Variants in SNRPN observed in about 807,000 individuals in gnomAD.
SNRPN encodes the protein small nuclear ribonucleoprotein-associated protein N.
SNRPN carries 7 observed loss-of-function variants against 25.2 expected under a neutral mutation model. The ratio of observed to expected loss-of-function variants is 0.28; its 90% CI spans 0.16 to 0.52. The LOEUF (loss-of-function observed/expected upper bound fraction) is 0.52. SNRPN is among the 20% of genes least tolerant of loss of function. The pLI, the probability that SNRPN is intolerant of heterozygous loss-of-function variation, is 0.96. For missense variants in SNRPN, 196 were observed against 322.5 expected, an observed-to-expected ratio of 0.61 and a Z score of 3.00; for synonymous variants, 124 against 110.6, an observed-to-expected ratio of 1.12 and a Z score of -0.76.
At chr15:24,828,547 G>A (rs11161142) in intron 1 of SNRPN, among the ~76,000 whole-genome samples, 35,455 of 151,698 alleles carry the variant, frequency 0.23, 4,711 homozygotes, top group Non-Finnish European at 0.29. Context: ...ACTCCGTCTC[G>A]AAAAAAACAA....
At chr15:24,959,706 T>C (rs2074455703) in intron 1 of SNRPN, among the ~76,000 whole-genome samples, 1 of 152,214 alleles carries the variant, frequency 6.6e-6, no homozygotes, top group Non-Finnish European at 1.5e-5. Context: ...GTAGCACTGA[T>C]CAGTACTAAA....
chr15:24,916,815 T>C (rs1397359756), intron 2 of SNRPN, among the ~76,000 whole-genome samples: 1 of 152,174 alleles, frequency 6.6e-6, no homozygotes, highest in Non-Finnish European at 1.5e-5. Flanking sequence ...CCACAAGCCT[T>C]CTGAACCTTC....
chr15:24,880,644 A>G (rs1286229209), intron 1 of SNRPN, among the ~76,000 whole-genome samples: 1 of 152,164 alleles, frequency 6.6e-6, no homozygotes, highest in African/African-American at 2.4e-5. Flanking sequence ...AGCCTGATGA[A>G]TTTTTTAATT....
In SNRPN at chr15:24,873,597, A is replaced by G. The variant is rs111320003; in HGVS notation, c.-578-12919A>G. ...CAAGCAGCTGGGACCACAAGTGCCC[A>G]CCACCACGCCTGCCTAATTTTTTGT... On this transcript the variant is annotated intron_variant, in intron 1 of 11. Transcript: ENST00000400097. 4.3e-3 allele frequency among the ~76,000 whole-genome samples: 655 copies of G among 151,972 alleles called. 8 individuals are homozygous for G. The highest frequency in any genetic ancestry group is 7.0e-3 in the Non-Finnish European group (474 of 67,970).
intron 2 of SNRPN, among the ~76,000 whole-genome samples, chr15:24,900,129 T>C (rs1170508069): frequency 3.3e-5 from 5 of 152,128 alleles, no homozygotes; most frequent in Non-Finnish European, 7.3e-5. Flanking sequence ...GCACTGAATG[T>C]TATGGCAGTC....
chr15:24,958,447 G>A (rs1484762045), intron 1 of SNRPN, among the ~76,000 whole-genome samples: 3 of 136,284 alleles, frequency 2.2e-5, no homozygotes, highest in Admixed American at 1.5e-4. Context: ...TACTACTTAA[G>A]GTAGCCTCTC....
chr15:24,901,983 A>G (rs1259475203), intron 2 of SNRPN, among the ~76,000 whole-genome samples: 3 of 152,238 alleles, frequency 2.0e-5, no homozygotes, highest in Non-Finnish European at 4.4e-5. Context: ...TTCTATGTAA[A>G]TAAGAGAAAC....
intron 2 of SNRPN, among the ~76,000 whole-genome samples, chr15:24,905,323 A>G (rs936756624): frequency 2.6e-5 from 4 of 151,684 alleles, no homozygotes; most frequent in Non-Finnish European, 4.4e-5. Context: ...AGCCTGGCCA[A>G]TATGGTAAAA....
chr15:24,919,423 T>G (rs1440036001), intron 2 of SNRPN, among the ~76,000 whole-genome samples: 2 of 118,980 alleles, frequency 1.7e-5, no homozygotes, highest in African/African-American at 6.6e-5. Context: ...AGAGCGAGAC[T>G]CTGTCTCAAA....
upstream of SNRPN, among the ~76,000 whole-genome samples, chr15:24,953,460 A>G (rs889527834): frequency 1.3e-5 from 2 of 152,132 alleles, no homozygotes; most frequent in African/African-American, 4.8e-5. Flanking sequence ...AGTAGCTAAG[A>G]TTACAGGCAT....
At chr15:24,925,364 C>T (rs1370092510) in intron 3 of SNRPN, among the ~76,000 whole-genome samples, 3 of 151,964 alleles carry the variant, frequency 2.0e-5, no homozygotes, top group Non-Finnish European at 2.9e-5. Context: ...TTGTACAGCA[C>T]TTTGGGAGGC....
At chr15:24,913,603 G>T (rs549371145) in intron 2 of SNRPN, among the ~76,000 whole-genome samples, 1 of 152,000 alleles carries the variant, frequency 6.6e-6, no homozygotes, top group Non-Finnish European at 1.5e-5. Context: ...CCAAGATCAC[G>T]CCACTGCACT....
chr15:24,889,448 GCC>G (rs1566875495), intron 2 of SNRPN, among the ~76,000 whole-genome samples: 1 of 151,688 alleles, frequency 6.6e-6, no homozygotes, highest in Non-Finnish European at 1.5e-5. Flanking sequence ...GACTACAGGC[GCC>G]TGCCACCACG....
At chr15:24,898,989 T>C (rs1467333829) in intron 2 of SNRPN, among the ~76,000 whole-genome samples, 2 of 152,156 alleles carry the variant, frequency 1.3e-5, no homozygotes, top group Non-Finnish European at 2.9e-5. Flanking sequence ...ACAGCTGTGA[T>C]GGTTTAGCAT....
intron 2 of SNRPN, among the ~76,000 whole-genome samples, chr15:24,834,424 T>A (rs1480656214): frequency 6.6e-6 from 1 of 152,014 alleles, no homozygotes; most frequent in Non-Finnish European, 1.5e-5. Flanking sequence ...TAAACTGATT[T>A]GTGTATGAAG....
At chr15:24,834,751 C>CTCTCTCTATATATATATA in intron 2 of SNRPN, among the ~76,000 whole-genome samples, 43 of 60,944 alleles carry the variant, frequency 7.1e-4, no homozygotes, top group Non-Finnish European at 1.1e-3. Context: ...CTCTCTCTCT[C>CTCTCTCTATATATATATA]TATATATATA....
chr15:24,835,759 G>A (rs2051118845), intron 2 of SNRPN, among the ~76,000 whole-genome samples: 1 of 152,078 alleles, frequency 6.6e-6, no homozygotes, highest in South Asian at 2.1e-4. Flanking sequence ...ACCTATGCGC[G>A]GAGTATGTTA....
intron 1 of SNRPN, among the ~76,000 whole-genome samples, chr15:24,879,588 T>A (rs901137879): frequency 3.3e-5 from 5 of 152,240 alleles, no homozygotes; most frequent in African/African-American, 1.2e-4. Context: ...TGGCGAAGTG[T>A]GAATACAAAA....
chr15:24,918,597 T>TGC lies in SNRPN; in HGVS notation c.-504-1414_-504-1413insGC, dbSNP rs1555395844. Reference sequence around the variant, plus strand: ...GTATATATATAACATAATATATATGTATATATATAACATAATATATATGTG... The same window carrying TGC: ...GTATATATATAACATAATATATATGTGCATATATATAACATAATATATATGTG... On this transcript the variant is annotated intron_variant, in intron 2 of 11. Coordinates refer to the SNRPN transcript ENST00000400097. 3.1e-3 allele frequency among the ~76,000 whole-genome samples: 282 copies of TGC among 91,930 alleles called. 6 individuals carry two copies. Among genetic ancestry groups the TGC allele is most frequent in the African/African-American group, 0.011 (248 of 22,924 alleles). The allele number at this position is 91,930 out of a possible 152,430, so 60.3% of individuals were successfully genotyped here.
Sources: gnomAD v4.1 joint callset for allele counts (sites outside exome capture counted in the v4.1 genomes callset) on GRCh38, gnomAD v4.1.1 for gene constraint, MANE v1.5 for transcripts, NCBI Gene and HGNC (gene_info 2026-07-23, HGNC 2026-07-21) for gene names.